The following TTI1 variants were observed in gnomAD, a reference collection of about 807,000 sequenced individuals.
TTI1 encodes the protein TELO2-interacting protein 1 homolog.
TTI1 carries 52 observed loss-of-function variants against 85.4 expected under a neutral mutation model. That is an observed-to-expected ratio of 0.61 (90% CI 0.49 to 0.77). TTI1 has a LOEUF of 0.77. Among genes scored for constraint, TTI1 ranks in the 30% least tolerant of loss-of-function variants. TTI1 has a pLI of 0.00. For synonymous variants in TTI1, 512 were observed against 503.9 expected (o/e 1.02, Z -0.22); for missense variants, 1,173 against 1,296.0 (o/e 0.91, Z 1.46).
chr20:37,985,859 A>G (rs2073184036), intron 7 of TTI1, among the ~76,000 whole-genome samples: 1 of 152,068 alleles, frequency 6.6e-6, no homozygotes, highest in Non-Finnish European at 1.5e-5. Flanking sequence ...TCTGTGCCCA[A>G]ACAATTTACT....
intron 4 of TTI1, 32 bp downstream of exon 4, chr20:38,002,596 C>G (rs1036536871): frequency 6.2e-7 from 1 of 1,610,314 alleles, no homozygotes; most frequent in African/African-American, 1.3e-5. Flanking sequence ...TCCTGCTACT[C>G]TGGGAATGCA....
chr20:38,010,948 A>T (rs2073577583), intron 2 of TTI1, among the ~76,000 whole-genome samples: 1 of 152,190 alleles, frequency 6.6e-6, no homozygotes, highest in East Asian at 1.9e-4. Context: ...AATTAAGTAA[A>T]ATATAGAATT....
intron 7 of TTI1, among the ~76,000 whole-genome samples, chr20:37,989,644 C>A (rs914351582): frequency 6.6e-6 from 1 of 152,250 alleles, no homozygotes; most frequent in Non-Finnish European, 1.5e-5. Context: ...CTGTGCTGAG[C>A]ACTATGAGGG....
intron 7 of TTI1, among the ~76,000 whole-genome samples, chr20:37,989,831 C>G (rs1313578015): frequency 6.6e-6 from 1 of 152,260 alleles, no homozygotes; most frequent in Admixed American, 6.5e-5. Context: ...AAGCCAGCAG[C>G]CTCCACTCAC....
At chr20:37,984,721 A>G (rs1313606200) in intron 7 of TTI1, among the ~76,000 whole-genome samples, 2 of 152,050 alleles carry the variant, frequency 1.3e-5, no homozygotes, top group African/African-American at 4.8e-5. Flanking sequence ...CTTTCAGGAC[A>G]CCTTTCCTAG....
chr20:38,032,637 T>G (rs1348466830), intron 1 of TTI1, among the ~76,000 whole-genome samples: 1 of 152,128 alleles, frequency 6.6e-6, no homozygotes, highest in Non-Finnish European at 1.5e-5. Context: ...CAGGCTGGAG[T>G]GCAGTGGCAC....
Position 38,002,690 on chromosome 20 carries a change from T to C in TTI1, c.2590A>G (p.Met864Val), listed in dbSNP as rs146256630. 1.1e-5 allele frequency: 17 copies of C among 1,614,142 alleles called. No individual in the cohort carries two copies. The African/African-American group carries it at 1.7e-4, about 16-fold the overall frequency. Residue 864 changes from methionine to valine, a missense_variant, in exon 4 of 8, where the codon ATG (methionine) becomes GTG (valine). Met to Val is a conservative substitution (Grantham distance 21). Coordinates refer to ENST00000373447, the MANE Select transcript of TTI1 (RefSeq NM_001303457.2). ...PPLPLQIQIAMDVMERCIHLL... is the reference protein window; with the variant it reads ...PPLPLQIQIAVDVMERCIHLL... The stretch of plus-strand genomic sequence containing the variant: ...TGGATGCAGCGTTCCATCACGTCCA[T>C]GGCTATTTGGATCTGCAATGGCAGT...
intron 7 of TTI1, chr20:37,987,183 G>A (rs58202748): frequency 0.18 from 80,680 of 456,608 alleles, 7,618 homozygotes; most frequent in South Asian, 0.26. Flanking sequence ...TTAGCGCCAG[G>A]CTTTGTTCCA....
intron 7 of TTI1, among the ~76,000 whole-genome samples, chr20:37,986,824 G>A (rs918284658): frequency 9.9e-5 from 15 of 152,186 alleles, no homozygotes; most frequent in Admixed American, 6.5e-4. Flanking sequence ...CCATGCCATG[G>A]ATAATTTTCA....
chr20:38,029,854 G>GCC (rs1186951674), intron 1 of TTI1, among the ~76,000 whole-genome samples: 2 of 152,146 alleles, frequency 1.3e-5, no homozygotes, highest in Non-Finnish European at 2.9e-5. Context: ...AGCACACTCA[G>GCC]CCCCCTGGCC....
chr20:38,031,765 A>C (rs2073910507), intron 1 of TTI1, among the ~76,000 whole-genome samples: 2 of 152,200 alleles, frequency 1.3e-5, no homozygotes, highest in African/African-American at 4.8e-5. Flanking sequence ...GATAACCCTA[A>C]TTTGACTCCT....
At chr20:37,985,302 T>G (rs1455170229) in intron 7 of TTI1, among the ~76,000 whole-genome samples, 1 of 152,192 alleles carries the variant, frequency 6.6e-6, no homozygotes, top group African/African-American at 2.4e-5. Context: ...TGGCAATTAT[T>G]CTAAGGAGCC....
Position 38,012,509 on chromosome 20 carries a change from T to TTGGCTAGCTAGATACACA in TTI1, c.1307_1308insTGTGTATCTAGCTAGCCA (p.Leu436_Glu437insValTyrLeuAlaSerGln), listed in dbSNP as rs754687551. The TTGGCTAGCTAGATACACA allele has an allele frequency of 6.2e-7, 1 of 1,614,198 alleles. No homozygotes were observed. Among genetic ancestry groups the TTGGCTAGCTAGATACACA allele is most frequent in the African/African-American group, 1.3e-5 (1 of 75,040 alleles). On this transcript the variant is annotated inframe_insertion, in exon 2 of 8. Coordinates refer to ENST00000373447, the MANE Select transcript of TTI1 (RefSeq NM_001303457.2). Reference sequence around the variant, plus strand: ...TCTTGATGTCAGCCACGTCTAGCTCTAGAACTTGGATGAGTGCTTTGGAAA... The same window carrying TTGGCTAGCTAGATACACA: ...TCTTGATGTCAGCCACGTCTAGCTCTTGGCTAGCTAGATACACAAGAACTTGGATGAGTGCTTTGGAAA...
At chr20:38,023,575 AC>A (rs2073798155) in intron 1 of TTI1, among the ~76,000 whole-genome samples, 1 of 152,242 alleles carries the variant, frequency 6.6e-6, no homozygotes, top group African/African-American at 2.4e-5. Context: ...ACACTGGAGG[AC>A]TACTATCTTG....
At position 38,006,358 on chromosome 20, in the gene TTI1, T is replaced by C; in HGVS notation, c.2342A>G (p.Gln781Arg). ...FPDTGNLGHL[Q>R]EQSLGEEGSH... Reference sequence around the variant, plus strand: ...TCCCTCTTCTCCTAAACTTTGCTCTTGGAGGTGCCCAAGATTACCTGTGTC... The same window carrying C: ...TCCCTCTTCTCCTAAACTTTGCTCTCGGAGGTGCCCAAGATTACCTGTGTC... Residue 781 changes from glutamine to arginine, a missense_variant, in exon 3 of 8, where the codon CAA becomes CGA. By Grantham distance (43) the Gln-to-Arg change is conservative. Coordinates refer to ENST00000373447, the MANE Select transcript of TTI1 (RefSeq NM_001303457.2). 1.9e-6 allele frequency: 3 copies of C among 1,614,212 alleles called. No homozygotes were observed. Among genetic ancestry groups the C allele is most frequent in the Non-Finnish European group, 2.5e-6 (3 of 1,180,044 alleles).
intron 6 of TTI1, 131 bp from the exon 7 acceptor site, chr20:37,996,593 G>T: frequency 3.6e-6 from 5 of 1,397,150 alleles, no homozygotes; most frequent in Non-Finnish European, 5.0e-6. Flanking sequence ...TCCCGCCAAA[G>T]AACACATCAA....
rs774643630 is a variant in TTI1, at chr20:38,006,149, A to G, written c.2503+48T>C. 4 of 1,601,272 alleles carry G rather than the reference A, an allele frequency of 2.5e-6. No homozygotes were observed. In the East Asian group the frequency reaches 8.9e-5, roughly 36 times the overall value. On this transcript the variant is annotated intron_variant, in intron 3 of 7. Transcript: ENST00000373447. ...ATGATGTTTCACCATTTTTACAATA[A>G]TCTGTTTCAGAAAGAAAAAACCAGC... is the stretch of plus-strand genomic sequence containing the variant.
intron 1 of TTI1, among the ~76,000 whole-genome samples, chr20:38,016,331 A>T (rs1390714156): frequency 6.6e-6 from 1 of 152,198 alleles, no homozygotes; most frequent in Non-Finnish European, 1.5e-5. Context: ...AATGGACAAA[A>T]TCAGAGGGTG....
At chr20:38,001,574 GT>G (rs1568615201) in intron 4 of TTI1, among the ~76,000 whole-genome samples, 2 of 152,322 alleles carry the variant, frequency 1.3e-5, no homozygotes, top group African/African-American at 4.8e-5. Context: ...GCTAAGAGCT[GT>G]CTTGGGAAGA....
Sources: allele counts gnomAD v4.1 joint callset (sites outside exome capture counted in the v4.1 genomes callset), GRCh38; gene constraint gnomAD v4.1.1; transcripts MANE v1.5; gene names NCBI Gene and HGNC (gene_info 2026-07-23, HGNC 2026-07-21).